Variants in GALNTL6 observed in about 807,000 individuals in gnomAD.
GALNTL6 encodes the protein polypeptide N-acetylgalactosaminyltransferase-like 6.
In GALNTL6, 46 loss-of-function variants were observed where a neutral mutation model predicts 73.7. That is an observed-to-expected ratio of 0.62 (90% CI 0.49 to 0.80). GALNTL6 has a LOEUF of 0.80. Among genes scored for constraint, GALNTL6 ranks in the 30% least tolerant of loss-of-function variants. The pLI, the probability that GALNTL6 is intolerant of heterozygous loss-of-function variation, is 0.00. For missense variants in GALNTL6, 604 were observed against 755.0 expected, an observed-to-expected ratio of 0.80 and a Z score of 2.34; for synonymous variants, 259 against 263.7, an observed-to-expected ratio of 0.98 and a Z score of 0.17.
chr4:172,355,526 C>A (rs1044266899), intron 5 of GALNTL6, among the ~76,000 whole-genome samples: 11 of 152,090 alleles, frequency 7.2e-5, no homozygotes, highest in Admixed American at 2.6e-4. Context: ...AGTATTACAG[C>A]AAATTCCACA....
intron 2 of GALNTL6, among the ~76,000 whole-genome samples, chr4:172,058,447 C>T (rs1731096616): frequency 1.3e-5 from 2 of 152,072 alleles, no homozygotes; most frequent in South Asian, 4.2e-4. Flanking sequence ...ATTTTGTTTC[C>T]ATTCATTTCA....
chr4:173,028,357 G>C (rs1336393334), intron 12 of GALNTL6, among the ~76,000 whole-genome samples: 3 of 152,154 alleles, frequency 2.0e-5, no homozygotes, highest in African/African-American at 7.2e-5. Context: ...GATATTCTTT[G>C]AAAGGTCCCG....
chr4:172,617,672 G>A (rs892515703), intron 5 of GALNTL6, among the ~76,000 whole-genome samples: 4 of 151,490 alleles, frequency 2.6e-5, no homozygotes, highest in Non-Finnish European at 5.9e-5. Context: ...TAGTAGAGAC[G>A]GGGTTCCACC....
At chr4:172,398,098 A>T (rs1001071677) in intron 5 of GALNTL6, among the ~76,000 whole-genome samples, 8 of 152,078 alleles carry the variant, frequency 5.3e-5, no homozygotes, top group African/African-American at 1.9e-4. Context: ...TTTCTTCATC[A>T]CCATACTGTT....
At chr4:172,736,207 G>T (rs562371734) in intron 5 of GALNTL6, among the ~76,000 whole-genome samples, 1 of 152,260 alleles carries the variant, frequency 6.6e-6, no homozygotes, top group East Asian at 1.9e-4. Context: ...GCAAGCTGGG[G>T]GGCGCTGCAG....
intron 2 of GALNTL6, among the ~76,000 whole-genome samples, chr4:171,907,269 C>T (rs1211996885): frequency 1.3e-5 from 2 of 152,146 alleles, no homozygotes; most frequent in Non-Finnish European, 2.9e-5. Flanking sequence ...CCAAAATCTC[C>T]TTAAGCTGAT....
chr4:172,737,017 C>T (rs188679843), intron 5 of GALNTL6, among the ~76,000 whole-genome samples: 75 of 152,256 alleles, frequency 4.9e-4, no homozygotes, highest in Admixed American at 1.2e-3. Context: ...GTCCATTAAA[C>T]CTCTTTTTCT....
At chr4:172,391,744 T>C (rs1470433956) in intron 5 of GALNTL6, among the ~76,000 whole-genome samples, 1 of 152,152 alleles carries the variant, frequency 6.6e-6, no homozygotes, top group African/African-American at 2.4e-5. Flanking sequence ...AACTGATCTC[T>C]TACTACTGTT....
chr4:171,944,922 T>G (rs1243013422), intron 2 of GALNTL6, among the ~76,000 whole-genome samples: 10 of 152,044 alleles, frequency 6.6e-5, no homozygotes, highest in African/African-American at 2.4e-4. Context: ...TTTTATTTAT[T>G]TATTTATTTT....
intron 2 of GALNTL6, among the ~76,000 whole-genome samples, chr4:172,010,689 C>T (rs1259144174): frequency 1.3e-5 from 2 of 151,970 alleles, no homozygotes; most frequent in Non-Finnish European, 1.5e-5. Context: ...CTACTTTCCA[C>T]AAGTCAGTAG....
chr4:172,736,204 G>T (rs915482607), intron 5 of GALNTL6, among the ~76,000 whole-genome samples: 1 of 152,146 alleles, frequency 6.6e-6, no homozygotes, highest in Admixed American at 6.5e-5. Flanking sequence ...CTAGCAAGCT[G>T]GGGGGCGCTG....
intron 2 of GALNTL6, among the ~76,000 whole-genome samples, chr4:172,056,051 G>A (rs957041971): frequency 2.0e-5 from 3 of 152,028 alleles, no homozygotes; most frequent in African/African-American, 7.2e-5. Context: ...TTCCAAAATA[G>A]TAGAAAAATT....
intron 5 of GALNTL6, among the ~76,000 whole-genome samples, chr4:172,428,780 T>C (rs573846546): frequency 4.6e-5 from 7 of 152,302 alleles, no homozygotes; most frequent in African/African-American, 1.7e-4. Flanking sequence ...TCCAAAGTAT[T>C]CTGCCATCAA....
At chr4:171,868,827 G>A (rs568818833) in intron 2 of GALNTL6, among the ~76,000 whole-genome samples, 13 of 152,154 alleles carry the variant, frequency 8.5e-5, no homozygotes, top group South Asian at 6.2e-4. Context: ...GATTACAGGC[G>A]TGGGCCCCCA....
At chr4:172,806,610 T>A (rs1430744762) in intron 5 of GALNTL6, among the ~76,000 whole-genome samples, 1 of 152,152 alleles carries the variant, frequency 6.6e-6, no homozygotes, top group Non-Finnish European at 1.5e-5. Flanking sequence ...TCCTCCTCTC[T>A]CCCAAGAGAG....
At position 172,883,603 on chromosome 4, in the gene GALNTL6, A is replaced by G. The variant is rs1161062062; in HGVS notation, c.1041+696A>G. ...CTAATTCTTGAGGAATCCATTCCCC[A>G]TGATCCAAACACCTCCCACCAGGCC... On this transcript the variant is annotated intron_variant, in intron 8 of 12. Coordinates refer to ENST00000506823, the MANE Select transcript of GALNTL6 (RefSeq NM_001034845.3). 3.3e-5 allele frequency among the ~76,000 whole-genome samples: 5 copies of G among 152,222 alleles called. 1 individual carries two copies. The highest frequency in any genetic ancestry group is 4.1e-4 in the South Asian group (2 of 4,832).
intron 5 of GALNTL6, among the ~76,000 whole-genome samples, chr4:172,591,878 T>C (rs1246528541): frequency 6.6e-6 from 1 of 152,086 alleles, no homozygotes; most frequent in African/African-American, 2.4e-5. Context: ...GGCTGGAAAA[T>C]GTAGTTTTGA....
chr4:172,049,838 G>T (rs1418702925), intron 2 of GALNTL6, among the ~76,000 whole-genome samples: 1 of 152,064 alleles, frequency 6.6e-6, no homozygotes, highest in African/African-American at 2.4e-5. Flanking sequence ...ACAAAAGTTA[G>T]CCTGGCATGG....
intron 2 of GALNTL6, among the ~76,000 whole-genome samples, chr4:171,870,351 CAA>C (rs1736103479): frequency 6.6e-6 from 1 of 152,126 alleles, no homozygotes; most frequent in Non-Finnish European, 1.5e-5. Context: ...CGATAGAACA[CAA>C]AGAGGCCTCT....
Sources: gnomAD v4.1 joint callset for allele counts (sites outside exome capture counted in the v4.1 genomes callset) on GRCh38, gnomAD v4.1.1 for gene constraint, MANE v1.5 for transcripts, NCBI Gene and HGNC (gene_info 2026-07-23, HGNC 2026-07-21) for gene names.